Variants in RSPRY1 observed in about 807,000 individuals in gnomAD.
RSPRY1 encodes the protein ring finger and SPRY domain containing 1.
A neutral mutation model predicts 73.1 loss-of-function variants in RSPRY1; 23 were observed. The ratio of observed to expected loss-of-function variants is 0.31; its 90% CI spans 0.23 to 0.45. The LOEUF is 0.45. RSPRY1 is among the 20% of genes least tolerant of loss of function. The pLI is 1.00. For synonymous variants in RSPRY1, 226 were observed against 251.4 expected, an observed-to-expected ratio of 0.90 and a Z score of 0.95; for missense variants, 448 against 698.7, an observed-to-expected ratio of 0.64 and a Z score of 4.05.
rs1659123636 is a variant in RSPRY1 at position 57,216,932 on chromosome 16, C to T, written c.798C>T (p.Ser266=). The T allele has an allele frequency of 5.0e-6, 8 of 1,612,952 alleles. No individual in the cohort carries two copies. The highest frequency in any genetic ancestry group is 8.5e-7 in the Non-Finnish European group (1 of 1,179,178). ...TSENKLTISE[S]SISDRLVTLE... ...AAAATAAATTGACTATTTCTGAATC[C>T]AGTATTAGTGACCGGCTTGTCACAT... Residue 266 remains serine (S), a synonymous_variant, in exon 8 of 15, where the codon TCC becomes TCT. Transcript: ENST00000394420.
At chr16:57,236,093 A>G (rs1685695812) in intron 14 of RSPRY1, among the ~76,000 whole-genome samples, 1 of 152,232 alleles carries the variant, frequency 6.6e-6, no homozygotes, top group African/African-American at 2.4e-5. Flanking sequence ...TATTACTTCT[A>G]CAGCCCAGAA....
chr16:57,213,967 A>G (rs1407479404), intron 6 of RSPRY1, 21 bp downstream of exon 6: 1 of 1,543,976 alleles, frequency 6.5e-7, no homozygotes. Flanking sequence ...CATCAAAACT[A>G]TTTATTCTTA....
intron 13 of RSPRY1, among the ~76,000 whole-genome samples, chr16:57,233,524 C>G (rs1181985125): frequency 6.6e-6 from 1 of 152,090 alleles, no homozygotes; most frequent in Non-Finnish European, 1.5e-5. Flanking sequence ...GGCATGCCAA[C>G]ACACCCAGCT....
intron 1 of RSPRY1, among the ~76,000 whole-genome samples, chr16:57,198,383 C>CAA (rs56031703): frequency 2.1e-4 from 30 of 143,370 alleles, no homozygotes; most frequent in Non-Finnish European, 3.4e-4. Context: ...GACTCCGTCT[C>CAA]AAAAAAAAAA....
At chr16:57,236,470 C>T (rs1026391499) in intron 14 of RSPRY1, among the ~76,000 whole-genome samples, 1 of 152,070 alleles carries the variant, frequency 6.6e-6, no homozygotes, top group Admixed American at 6.6e-5. Context: ...GATATAGGGA[C>T]AAAGAAAGGA....
Position 57,231,331 on chromosome 16 carries a change from G to A in RSPRY1, c.1529+12G>A, listed in dbSNP as rs367739488. ...ATCATTTTGCCAAGGTAAGGAATCT[G>A]CCCAGGCTATCTCCAGACTTTCACA... On this transcript the variant is annotated intron_variant, in intron 13 of 14. Transcript: ENST00000394420. The A allele has an allele frequency of 3.6e-5, 58 of 1,604,566 alleles. No homozygotes were observed. The African/African-American group carries it at 4.8e-4, about 13-fold the overall frequency.
chr16:57,216,999 G>A lies in RSPRY1; in HGVS notation c.865G>A (p.Val289Ile). 6.2e-7 allele frequency: 1 copy of A among 1,614,172 alleles called. No individual in the cohort carries two copies. Among genetic ancestry groups the A allele is most frequent in the South Asian group, 1.1e-5 (1 of 91,082 alleles). ...TGATCCTGATTATCTGAAACGTCAA[G>A]TTGGTTTCTGTGCCCAGTGGAGCTT... ...ANDPDYLKRQ[V>I]GFCAQWSLDN... Residue 289 changes from valine (V) to isoleucine (I), a missense_variant, in exon 8 of 15, where the codon GTT becomes ATT. Physicochemically the swap from Val to Ile is conservative, Grantham distance 29. Transcript: ENST00000394420.
chr16:57,194,890 GGTCTGT>G (rs2074412322), intron 1 of RSPRY1, among the ~76,000 whole-genome samples: 1 of 152,042 alleles, frequency 6.6e-6, no homozygotes, highest in Admixed American at 6.5e-5. Context: ...TGATGGTAGA[GGTCTGT>G]GTTTTATAAA....
At position 57,227,332 on chromosome 16, in the gene RSPRY1, C is replaced by G; in HGVS notation, c.1162-10C>G. ...GACTTGCTAATCTTCTGGGCCTTGTCTCTCTCCAGGAAGGCTACGGCATTG... is the reference window on the plus strand; with the variant it reads ...GACTTGCTAATCTTCTGGGCCTTGTGTCTCTCCAGGAAGGCTACGGCATTG... On this transcript the variant is annotated splice_polypyrimidine_tract_variant and intron_variant, in intron 10 of 14. Transcript: ENST00000394420. 6.2e-7 allele frequency: 1 copy of G among 1,602,046 alleles called. No homozygotes were observed. Among genetic ancestry groups the G allele is most frequent in the African/African-American group, 1.3e-5 (1 of 74,776 alleles).
intron 8 of RSPRY1, chr16:57,220,051 C>G (rs1201060920): frequency 6.6e-6 from 1 of 152,198 alleles, no homozygotes; most frequent in African/African-American, 2.4e-5. Flanking sequence ...GTTTTGGTTC[C>G]TATGACTCCA....
intron 11 of RSPRY1, among the ~76,000 whole-genome samples, chr16:57,228,329 A>G (rs2075152641): frequency 6.6e-6 from 1 of 150,996 alleles, no homozygotes; most frequent in African/African-American, 2.4e-5. Context: ...ATATGGAAAC[A>G]GCTCCACTTG....
chr16:57,208,246 G>C, intron 3 of RSPRY1, 136 bp downstream of exon 3: 3 of 371,898 alleles, frequency 8.1e-6, no homozygotes, highest in East Asian at 1.2e-4. Flanking sequence ...AATGAAAAAA[G>C]CCCTTACTGT....
At chr16:57,219,982 C>T (rs1200567346) in intron 8 of RSPRY1, 1 of 152,048 alleles carries the variant, frequency 6.6e-6, no homozygotes, top group East Asian at 1.9e-4. Context: ...GTATGGATTT[C>T]TGGATTCTCT....
chr16:57,216,890 G>A lies in RSPRY1; in HGVS notation c.770-14G>A, dbSNP rs747255939. On this transcript the variant is annotated splice_polypyrimidine_tract_variant and intron_variant, in intron 7 of 14. Coordinates refer to ENST00000394420, the MANE Select transcript of RSPRY1 (RefSeq NM_133368.3). ...CTTTCATTGTTAATTCAAGGATTAT[G>A]TCTTTCCAAACAGGTGAAAATAAAT... 5.6e-6 allele frequency: 9 copies of A among 1,610,908 alleles called. No individual in the cohort carries two copies. Among genetic ancestry groups the A allele is most frequent in the Non-Finnish European group, 7.6e-6 (9 of 1,177,424 alleles).
chr16:57,200,950 G>C (rs1235603150), intron 1 of RSPRY1, among the ~76,000 whole-genome samples: 2 of 44,396 alleles, frequency 4.5e-5, no homozygotes, highest in Non-Finnish European at 9.9e-5. Context: ...GGCTGGCCGG[G>C]GGGGGGGGGG....
intron 2 of RSPRY1, among the ~76,000 whole-genome samples, chr16:57,205,892 AT>A (rs112705000): frequency 3.9e-5 from 6 of 152,302 alleles, no homozygotes; most frequent in African/African-American, 1.4e-4. Flanking sequence ...AGATGGTAGT[AT>A]TTTTTAAAAA....
intron 8 of RSPRY1, among the ~76,000 whole-genome samples, chr16:57,217,512 G>C (rs958362152): frequency 6.6e-6 from 1 of 152,162 alleles, no homozygotes; most frequent in Non-Finnish European, 1.5e-5. Flanking sequence ...TCCAAGGGCT[G>C]CTGGGACAAA....
Position 57,207,455 on chromosome 16 carries a change from T to G in RSPRY1, c.351-603T>G, listed in dbSNP as rs543291163. 1.1e-4 allele frequency: 38 copies of G among 343,302 alleles called. 1 individual carries two copies. The highest frequency in any genetic ancestry group is 9.8e-4 in the East Asian group (13 of 13,224). 21.3% of individuals were successfully genotyped at this position (343,302 alleles called of 1,614,324 possible). On this transcript the variant is annotated intron_variant, in intron 2 of 14. Coordinates refer to ENST00000394420, the MANE Select transcript of RSPRY1 (RefSeq NM_133368.3). Reference sequence around the variant, plus strand: ...TTCCCCTGAAGGACTTTTTAAAGATTTCTGGGATCACACCACTGAATTAAG... The same window carrying G: ...TTCCCCTGAAGGACTTTTTAAAGATGTCTGGGATCACACCACTGAATTAAG...
chr16:57,223,787 A>C (rs1446550858), intron 10 of RSPRY1, among the ~76,000 whole-genome samples: 1 of 152,180 alleles, frequency 6.6e-6, no homozygotes, highest in East Asian at 1.9e-4. Flanking sequence ...TAAATAAATA[A>C]ATAAATATCT....
Sources: gnomAD v4.1 joint callset for allele counts (sites outside exome capture counted in the v4.1 genomes callset) on GRCh38, gnomAD v4.1.1 for gene constraint, MANE v1.5 for transcripts, NCBI Gene and HGNC (gene_info 2026-07-23, HGNC 2026-07-21) for gene names.